SCP2: variants seen among roughly 807,000 people sequenced by gnomAD.
The protein encoded by SCP2 is SCP-2/3-oxoacyl-CoA thiolase.
In SCP2, 48 loss-of-function variants were observed where a neutral mutation model predicts 71.4. The observed-to-expected ratio is 0.67, with a 90% CI of 0.53 to 0.86. The LOEUF (loss-of-function observed/expected upper bound fraction) is 0.86, where lower values mean the gene tolerates loss of function less well. Among genes scored for constraint, SCP2 ranks in the 40% least tolerant of loss-of-function variants. SCP2 has a pLI of 0.00. For missense variants in SCP2, 560 were observed against 655.6 expected (o/e 0.85, Z 1.59); for synonymous variants, 220 against 218.1 (o/e 1.01, Z -0.08).
chr1:52,972,201 A>G (rs562784757), intron 6 of SCP2, among the ~76,000 whole-genome samples: 8 of 152,244 alleles, frequency 5.3e-5, no homozygotes, highest in Non-Finnish European at 1.2e-4. Flanking sequence ...AGTTTAAATC[A>G]TTTGTAGAAC....
chr1:53,016,874 T>C (rs1661374370), intron 12 of SCP2, among the ~76,000 whole-genome samples: 1 of 152,174 alleles, frequency 6.6e-6, no homozygotes, highest in South Asian at 2.1e-4. Flanking sequence ...TGACATTACT[T>C]TGAGCTGGTG....
At chr1:52,956,969 G>GTGCAATCT (rs1040036812) in intron 5 of SCP2, among the ~76,000 whole-genome samples, 1 of 142,378 alleles carries the variant, frequency 7.0e-6, no homozygotes, top group Non-Finnish European at 1.5e-5. Flanking sequence ...GAGTGCAGTG[G>GTGCAATCT]TGCAATCTTG....
chr1:53,019,975 C>T (rs1006059335), intron 12 of SCP2, among the ~76,000 whole-genome samples: 1 of 152,172 alleles, frequency 6.6e-6, no homozygotes, highest in African/African-American at 2.4e-5. Flanking sequence ...CAACTTCCAC[C>T]TCCTGGGTTC....
intron 14 of SCP2, among the ~76,000 whole-genome samples, chr1:53,041,923 A>G (rs1040019024): frequency 2.0e-5 from 3 of 152,060 alleles, no homozygotes; most frequent in Non-Finnish European, 4.4e-5. Context: ...AGAGGAGAGG[A>G]GGTTGGCAAG....
rs562487140 is a variant in SCP2, at chr1:52,937,844, A to G, written c.70-3952A>G. On this transcript the variant is annotated intron_variant, in intron 1 of 15. Transcript: ENST00000371514. ...AATTAGAACAGCAAGGTACAGCAAA[A>G]TGGCTGCTCCATAGACACAGCAGGG... Among the ~76,000 whole-genome samples the G allele has an allele frequency of 3.3e-5, 5 of 152,356 alleles. No individual in the cohort carries two copies. The East Asian group carries it at 9.6e-4, about 29-fold the overall frequency.
intron 13 of SCP2, among the ~76,000 whole-genome samples, chr1:53,038,503 C>G (rs891332840): frequency 6.6e-6 from 1 of 152,200 alleles, no homozygotes; most frequent in Middle Eastern, 3.4e-3. Flanking sequence ...CTCCTGGGCT[C>G]AAGTGATCCT....
At chr1:52,960,543 T>A (rs953239804) in intron 5 of SCP2, among the ~76,000 whole-genome samples, 1 of 147,778 alleles carries the variant, frequency 6.8e-6, no homozygotes, top group Admixed American at 6.8e-5. Flanking sequence ...TATATGTATG[T>A]ATATACATGT....
chr1:53,045,259 A>G (rs1193905190), intron 14 of SCP2, among the ~76,000 whole-genome samples: 3 of 152,188 alleles, frequency 2.0e-5, no homozygotes, highest in East Asian at 1.9e-4. Context: ...TTCAAATCCT[A>G]TCACCATAGC....
Position 53,049,317 on chromosome 1 carries a change from T to A in SCP2, c.1549-1292T>A, listed in dbSNP as rs1265253074. ...CAGCTTATTTTCCTTCAGCACCTGT[T>A]AACACCCAAAGGAATTAAAGATAAA... is the stretch of plus-strand genomic sequence containing the variant. On this transcript the variant is annotated intron_variant, in intron 15 of 15. Coordinates refer to ENST00000371514, the MANE Select transcript of SCP2 (RefSeq NM_002979.5). 3.3e-5 allele frequency: 5 copies of A among 152,238 alleles called. No homozygotes were observed. The East Asian group carries it at 9.6e-4, about 29-fold the overall frequency. 9.4% of individuals were successfully genotyped at this position (152,238 alleles called of 1,614,324 possible).
Position 52,980,504 on chromosome 1 carries a change from G to A in SCP2, c.934G>A (p.Glu312Lys), listed in dbSNP as rs1442103564. Residue 312 changes from glutamate (E) to lysine (K), a missense_variant, in exon 10 of 16, where the codon GAA (glutamate) becomes AAA (lysine). This residue lies in a region of SCP2 where 513 missense variants were observed against 573.1 expected (regional missense o/e 0.90). Transcript: ENST00000371514. ...IELHDCFSTN[E>K]LLTYEALGLC... The stretch of plus-strand genomic sequence containing the variant: ...ACTTCACGATTGCTTTTCTACCAAC[G>A]AACTCCTTACTTATGAAGCACTGGG... The A allele has an allele frequency of 1.9e-6, 3 of 1,613,906 alleles. No homozygotes were observed. The highest frequency in any genetic ancestry group is 2.2e-5 in the East Asian group (1 of 44,868).
intron 10 of SCP2, among the ~76,000 whole-genome samples, chr1:52,982,205 G>T (rs553635927): frequency 2.6e-5 from 4 of 152,132 alleles, no homozygotes; most frequent in Admixed American, 2.6e-4. Flanking sequence ...AATGCCAGTA[G>T]CACCACCCCC....
At chr1:53,000,923 C>A (rs57004602) in intron 11 of SCP2, among the ~76,000 whole-genome samples, 20,656 of 151,946 alleles carry the variant, frequency 0.14, 2,029 homozygotes, top group East Asian at 0.32. Flanking sequence ...CCACTACACT[C>A]CAACCTGTGT....
At chr1:52,933,652 G>A (rs1325376164) in intron 1 of SCP2, among the ~76,000 whole-genome samples, 3 of 152,078 alleles carry the variant, frequency 2.0e-5, no homozygotes, top group Admixed American at 6.6e-5. Context: ...TCTATCAAAC[G>A]TATTTAAGTA....
chr1:52,994,268 A>G, intron 11 of SCP2: 1 of 1,000,974 alleles, frequency 1.0e-6, no homozygotes, highest in Non-Finnish European at 1.2e-6. Flanking sequence ...GTGTGTAAAG[A>G]AGTGACTTAA....
intron 11 of SCP2, chr1:52,994,317 C>A (rs549060858): frequency 3.0e-6 from 3 of 991,780 alleles, no homozygotes; most frequent in African/African-American, 3.5e-5. Flanking sequence ...ATATAGGAAA[C>A]CTCTGTTTCA....
At chr1:52,961,673 T>A (rs1163290294) in intron 6 of SCP2, 44 bp downstream of exon 6, 2 of 1,518,200 alleles carry the variant, frequency 1.3e-6, no homozygotes, top group Non-Finnish European at 1.8e-6. Flanking sequence ...ACTAGTTATA[T>A]ACATGAGATG....
At chr1:52,961,066 C>CTTTTTT (rs774047289) in intron 5 of SCP2, among the ~76,000 whole-genome samples, 20 of 92,106 alleles carry the variant, frequency 2.2e-4, no homozygotes, top group South Asian at 3.9e-4. Flanking sequence ...TCCTTTGGTT[C>CTTTTTT]TTTTTTTTTT....
Position 52,927,286 on chromosome 1 carries a change from G to A in SCP2, c.-111G>A. 2.2e-6 allele frequency: 2 copies of A among 929,274 alleles called. No individual in the cohort carries two copies. Among genetic ancestry groups the A allele is most frequent in the Non-Finnish European group, 1.7e-6 (1 of 593,740 alleles). 57.6% of individuals were successfully genotyped at this position (929,274 alleles called of 1,614,324 possible). On this transcript the variant is annotated 5_prime_UTR_variant, in exon 1 of 16. Transcript: ENST00000371514. ...CGCACGCGCACTCTCACGCGCCTGT[G>A]TTGCCGCCCGCGGCCCTGGCTTCGG... is the stretch of plus-strand genomic sequence containing the variant.
chr1:53,039,178 GGGAACA>G, intron 14 of SCP2, 132 bp downstream of exon 14: 1 of 1,161,448 alleles, frequency 8.6e-7, no homozygotes, highest in Non-Finnish European at 1.2e-6. Flanking sequence ...GTAAATTCCA[GGGAACA>G]GGAACAGGTC....
Sources: allele counts gnomAD v4.1 joint callset (sites outside exome capture counted in the v4.1 genomes callset), GRCh38; gene constraint gnomAD v4.1.1; regional missense constraint gnomAD v4.1.1; transcripts MANE v1.5; gene names NCBI Gene and HGNC (gene_info 2026-07-23, HGNC 2026-07-21).